The following ROR1 variants were observed in gnomAD, a reference collection of about 807,000 sequenced individuals.
ROR1 encodes the protein ROR family WNT receptor 1, also known as inactive tyrosine-protein kinase transmembrane receptor ROR1.
In ROR1, 19 loss-of-function variants were observed where a neutral mutation model predicts 78.8. The observed-to-expected ratio is 0.24, with a 90% CI of 0.17 to 0.35. The LOEUF (loss-of-function observed/expected upper bound fraction) is 0.35, where lower values mean the gene tolerates loss of function less well. Among genes scored for constraint, ROR1 ranks in the 10% least tolerant of loss-of-function variants. ROR1 has a pLI of 1.00. For missense variants in ROR1, 917 were observed against 1,177.8 expected, an observed-to-expected ratio of 0.78 and a Z score of 3.24; for synonymous variants, 386 against 433.6, an observed-to-expected ratio of 0.89 and a Z score of 1.36.
chr1:63,932,222 G>A (rs978951655), intron 1 of ROR1, among the ~76,000 whole-genome samples: 4 of 152,126 alleles, frequency 2.6e-5, no homozygotes, highest in African/African-American at 9.7e-5. Flanking sequence ...GCCTGGCATG[G>A]GAGGAAGAGG....
intron 1 of ROR1, among the ~76,000 whole-genome samples, chr1:63,996,810 G>A (rs1305598657): frequency 3.9e-5 from 6 of 152,178 alleles, no homozygotes; most frequent in Admixed American, 1.3e-4. Flanking sequence ...CAGCAGTGCA[G>A]TAGAGAGCCT....
intron 7 of ROR1, 83 bp from the exon 8 acceptor site, chr1:64,158,898 G>T: frequency 9.8e-7 from 1 of 1,017,298 alleles, no homozygotes; most frequent in African/African-American, 1.6e-5. Context: ...AGAAGAGGTG[G>T]TTCATTTTAA....
At chr1:64,068,412 G>A (rs1183057868) in intron 4 of ROR1, among the ~76,000 whole-genome samples, 1 of 152,156 alleles carries the variant, frequency 6.6e-6, no homozygotes, top group Non-Finnish European at 1.5e-5. Context: ...AGTTAGCAGT[G>A]CAGTAAATCT....
chr1:64,177,279 C>A, intron 8 of ROR1, 149 bp from the exon 9 acceptor site: 1 of 637,062 alleles, frequency 1.6e-6, no homozygotes, highest in Non-Finnish European at 2.7e-6. Flanking sequence ...TGAGTTGCAG[C>A]CAACGATTTG....
In ROR1 at chr1:63,903,721, A is replaced by T. The variant is rs186955978; in HGVS notation, c.92-105584A>T. Reference sequence around the variant, plus strand: ...CTATATAGCTATATAAGCATATATAAACATAACTATATATATCTATATAGT... The same window carrying T: ...CTATATAGCTATATAAGCATATATATACATAACTATATATATCTATATAGT... On this transcript the variant is annotated intron_variant, in intron 1 of 8. Transcript: ENST00000371079. Among the ~76,000 whole-genome samples the T allele has an allele frequency of 2.2e-3, 335 of 152,026 alleles. 2 individuals are homozygous for T. Among genetic ancestry groups the T allele is most frequent in the African/African-American group, 7.8e-3 (325 of 41,510 alleles).
intron 4 of ROR1, among the ~76,000 whole-genome samples, chr1:64,097,324 C>T (rs538941416): frequency 6.6e-5 from 10 of 152,072 alleles, no homozygotes; most frequent in Admixed American, 2.0e-4. Flanking sequence ...TGCCTCTTTC[C>T]TCCATATTTA....
At chr1:63,983,874 T>C (rs1158763496) in intron 1 of ROR1, among the ~76,000 whole-genome samples, 2 of 152,202 alleles carry the variant, frequency 1.3e-5, no homozygotes, top group African/African-American at 4.8e-5. Flanking sequence ...TACTAAATAA[T>C]GCTTCCTTGC....
In ROR1 at chr1:63,948,736, A is replaced by G. The variant is rs1645910602; in HGVS notation, c.92-60569A>G. 3.3e-5 allele frequency among the ~76,000 whole-genome samples: 5 copies of G among 152,202 alleles called. No homozygotes were observed. In the South Asian group the frequency reaches 1.0e-3, roughly 32 times the overall value. ...GGACAAAGCCCTTCTGAATTGGATT[A>G]GTGTCCTTATAAAAGAAGGCCCAGA... is the stretch of plus-strand genomic sequence containing the variant. On this transcript the variant is annotated intron_variant, in intron 1 of 8. Coordinates refer to ENST00000371079, the MANE Select transcript of ROR1 (RefSeq NM_005012.4).
Position 64,135,786 on chromosome 1 carries a change from G to A in ROR1, c.483-1583G>A, listed in dbSNP as rs1043081403. ...GTATATGATATATTCATTTGTATGTGTATTTAAAGGTTAAGTTTTTAAGAG... is the reference window on the plus strand; with the variant it reads ...GTATATGATATATTCATTTGTATGTATATTTAAAGGTTAAGTTTTTAAGAG... On this transcript the variant is annotated intron_variant, in intron 4 of 8. Transcript: ENST00000371079. Among the ~76,000 whole-genome samples the A allele has an allele frequency of 1.3e-4, 20 of 152,278 alleles. No individual in the cohort carries two copies. In the East Asian group the frequency reaches 1.7e-3, roughly 13 times the overall value.
At chr1:63,985,820 AG>A (rs1323564180) in intron 1 of ROR1, among the ~76,000 whole-genome samples, 1 of 152,030 alleles carries the variant, frequency 6.6e-6, no homozygotes, top group Admixed American at 6.6e-5. Flanking sequence ...GTTTAGATTT[AG>A]GTCCCATCCC....
intron 1 of ROR1, among the ~76,000 whole-genome samples, chr1:63,817,031 G>A (rs624568): frequency 0.058 from 8,787 of 152,280 alleles, 671 homozygotes; most frequent in African/African-American, 0.15. Flanking sequence ...AGCTCTAAGA[G>A]AAAGTTTTCA....
intron 4 of ROR1, among the ~76,000 whole-genome samples, chr1:64,127,531 T>C (rs1260872305): frequency 1.3e-5 from 2 of 151,798 alleles, no homozygotes; most frequent in Non-Finnish European, 2.9e-5. Context: ...TGTCTCTCTC[T>C]CCTCTTTCTC....
intron 4 of ROR1, among the ~76,000 whole-genome samples, chr1:64,123,161 CA>C (rs145011948): frequency 0.016 from 2,415 of 152,256 alleles, 61 homozygotes; most frequent in African/African-American, 0.056. Flanking sequence ...CTGGAAGGGA[CA>C]CCAGAGATCA....
At chr1:63,970,232 C>G (rs1378915388) in intron 1 of ROR1, among the ~76,000 whole-genome samples, 2 of 152,130 alleles carry the variant, frequency 1.3e-5, no homozygotes. Context: ...TGTACCTCCT[C>G]CATCATCACC....
chr1:63,836,551 C>T (rs760671215), intron 1 of ROR1, among the ~76,000 whole-genome samples: 10 of 152,080 alleles, frequency 6.6e-5, no homozygotes, highest in Non-Finnish European at 8.8e-5. Flanking sequence ...GCCCAAGAGA[C>T]GATACTAAAG....
At chr1:63,916,376 G>A (rs1645609778) in intron 1 of ROR1, among the ~76,000 whole-genome samples, 1 of 152,182 alleles carries the variant, frequency 6.6e-6, no homozygotes, top group Non-Finnish European at 1.5e-5. Context: ...GGTTAAGGGA[G>A]TGGTAGGGAT....
intron 4 of ROR1, among the ~76,000 whole-genome samples, chr1:64,133,721 C>A (rs1649005236): frequency 6.6e-6 from 1 of 152,240 alleles, no homozygotes; most frequent in Non-Finnish European, 1.5e-5. Context: ...ATGCACTTTT[C>A]TTCTCCATTG....
chr1:64,087,353 A>C (rs1200663341), intron 4 of ROR1, among the ~76,000 whole-genome samples: 2 of 152,352 alleles, frequency 1.3e-5, no homozygotes, highest in East Asian at 3.9e-4. Flanking sequence ...GGCTTATACA[A>C]AACGTAAGTA....
intron 1 of ROR1, among the ~76,000 whole-genome samples, chr1:63,790,469 G>T (rs1644719219): frequency 1.3e-5 from 2 of 152,230 alleles, no homozygotes; most frequent in African/African-American, 2.4e-5. Context: ...GGAGAGCAAT[G>T]GGCAGCTCCA....
Sources: allele counts gnomAD v4.1 joint callset (sites outside exome capture counted in the v4.1 genomes callset), GRCh38; gene constraint gnomAD v4.1.1; transcripts MANE v1.5; gene names NCBI Gene and HGNC (gene_info 2026-07-23, HGNC 2026-07-21).